The following CWF19L2 variants were observed in gnomAD, a reference collection of about 807,000 sequenced individuals.
CWF19L2 encodes CWF19-like protein 2.
CWF19L2 carries 98 observed loss-of-function variants against 111.7 expected under a neutral mutation model. The ratio of observed to expected loss-of-function variants is 0.88; its 90% CI spans 0.75 to 1.04. CWF19L2 has a LOEUF of 1.04. Among genes scored for constraint, CWF19L2 ranks in the 50% least tolerant of loss-of-function variants. The pLI is 0.00. For synonymous variants in CWF19L2, 351 were observed against 342.9 expected, an observed-to-expected ratio of 1.02 and a Z score of -0.26; for missense variants, 1,101 against 1,051.4, an observed-to-expected ratio of 1.05 and a Z score of -0.65.
intron 8 of CWF19L2, among the ~76,000 whole-genome samples, chr11:107,424,099 CA>C (rs537374401): frequency 5.3e-5 from 8 of 151,514 alleles, no homozygotes; most frequent in Admixed American, 2.6e-4. Flanking sequence ...AATCATATGT[CA>C]AAAAAATACT....
At chr11:107,403,660 T>C (rs1291290547) in intron 10 of CWF19L2, 1 of 776,154 alleles carries the variant, frequency 1.3e-6, no homozygotes, top group African/African-American at 1.7e-5. Flanking sequence ...CTTTGTTTGG[T>C]GCTTGTTCTT....
At position 107,334,974 on chromosome 11, in the gene CWF19L2, C is replaced by T. The variant is rs1859901498; in HGVS notation, c.2359-13G>A. ...CCATTATGGCTTTCTAAGAAATATC[C>T]ATTTGTTAAGTGAAAAAAGAACATG... is the stretch of plus-strand genomic sequence containing the variant. On this transcript the variant is annotated splice_polypyrimidine_tract_variant and intron_variant, in intron 15 of 17. Coordinates refer to ENST00000282251, the MANE Select transcript of CWF19L2 (RefSeq NM_152434.3). 1.3e-6 allele frequency: 2 copies of T among 1,543,528 alleles called. No homozygotes were observed. Among genetic ancestry groups the T allele is most frequent in the Admixed American group, 1.7e-5 (1 of 59,010 alleles).
chr11:107,402,873 G>GTGTGTATATA (rs1247886311), intron 10 of CWF19L2, among the ~76,000 whole-genome samples: 57 of 94,440 alleles, frequency 6.0e-4, no homozygotes, highest in South Asian at 1.2e-3. Context: ...ACTGTGGTGT[G>GTGTGTATATA]TATATATATA....
chr11:107,411,877 A>G (rs1250270096), intron 10 of CWF19L2, among the ~76,000 whole-genome samples: 1 of 152,156 alleles, frequency 6.6e-6, no homozygotes, highest in Admixed American at 6.5e-5. Flanking sequence ...AGAGGGACAA[A>G]GGCAGAGACG....
chr11:107,357,889 A>G (rs1860262020), intron 12 of CWF19L2, among the ~76,000 whole-genome samples: 2 of 152,248 alleles, frequency 1.3e-5, no homozygotes, highest in Admixed American at 1.3e-4. Context: ...TAAGATGGAA[A>G]AAGTGAACAA....
chr11:107,418,236 C>G lies in CWF19L2; in HGVS notation c.1485G>C (p.Lys495Asn). 2 of 1,613,372 alleles carry G rather than the reference C, an allele frequency of 1.2e-6. No homozygotes were observed. Among genetic ancestry groups the G allele is most frequent in the Non-Finnish European group, 1.7e-6 (2 of 1,179,348 alleles). Residue 495 changes from lysine (K) to asparagine (N), a missense_variant, in exon 9 of 18, where the codon AAG becomes AAC. Physicochemically the swap from Lys to Asn is moderately conservative, Grantham distance 94. Transcript: ENST00000282251. ...CTGCTTTGATAATCTTGGCTCCCAA[C>G]TTGTTCTTCTCATCAACACTCAGGA... ...IHILSVDEKN[K>N]LGAKIIKAEM...
At chr11:107,419,872 A>G (rs1219050419) in intron 8 of CWF19L2, among the ~76,000 whole-genome samples, 2 of 152,174 alleles carry the variant, frequency 1.3e-5, no homozygotes, top group Non-Finnish European at 2.9e-5. Context: ...TATAACAAGT[A>G]TAAGTAAAAT....
chr11:107,393,456 C>A (rs1391280074), intron 10 of CWF19L2, among the ~76,000 whole-genome samples: 3 of 152,006 alleles, frequency 2.0e-5, no homozygotes, highest in African/African-American at 7.2e-5. Context: ...TGGCACAGTA[C>A]AGAATAAGAG....
chr11:107,381,759 T>C (rs1199174273), intron 12 of CWF19L2, among the ~76,000 whole-genome samples: 7 of 152,166 alleles, frequency 4.6e-5, no homozygotes, highest in African/African-American at 1.4e-4. Context: ...GGATTTCAAG[T>C]GTATATTATT....
At chr11:107,362,264 C>G (rs928520424) in intron 12 of CWF19L2, among the ~76,000 whole-genome samples, 3 of 152,120 alleles carry the variant, frequency 2.0e-5, no homozygotes, top group African/African-American at 7.2e-5. Flanking sequence ...CCCGCCATTG[C>G]CCAGGCTTGC....
chr11:107,343,566 T>A (rs865939244), intron 14 of CWF19L2, among the ~76,000 whole-genome samples: 2 of 152,172 alleles, frequency 1.3e-5, no homozygotes, highest in Non-Finnish European at 2.9e-5. Context: ...TTAACTGATA[T>A]ACTGTTTATT....
At position 107,432,446 on chromosome 11, in the gene CWF19L2, G is replaced by A. The variant is rs576454406; in HGVS notation, c.780+1188C>T. ...AAAAATACAAAAATTAGCCAGGCGT[G>A]GTGGTGTGCTCCTGCAGTCCCAGCT... is the stretch of plus-strand genomic sequence containing the variant. On this transcript the variant is annotated intron_variant, in intron 7 of 17. Coordinates refer to ENST00000282251, the MANE Select transcript of CWF19L2 (RefSeq NM_152434.3). Among the ~76,000 whole-genome samples the A allele has an allele frequency of 1.2e-4, 18 of 152,250 alleles. No individual in the cohort carries two copies. The South Asian group carries it at 3.5e-3, about 30-fold the overall frequency.
intron 6 of CWF19L2, among the ~76,000 whole-genome samples, chr11:107,435,684 T>C (rs1278803350): frequency 6.6e-6 from 1 of 152,140 alleles, no homozygotes; most frequent in Non-Finnish European, 1.5e-5. Context: ...CCTATTAATC[T>C]TATAATTAGA....
chr11:107,430,742 C>A (rs1045971597), intron 7 of CWF19L2, among the ~76,000 whole-genome samples: 1 of 152,004 alleles, frequency 6.6e-6, no homozygotes, highest in Middle Eastern at 3.4e-3. Flanking sequence ...AGATGGAGGT[C>A]AAAGAGTCAG....
intron 12 of CWF19L2, among the ~76,000 whole-genome samples, chr11:107,389,667 A>G (rs1860819771): frequency 6.6e-6 from 1 of 152,166 alleles, no homozygotes; most frequent in African/African-American, 2.4e-5. Flanking sequence ...AATCCATAAT[A>G]TATTAGTGCA....
chr11:107,412,220 A>G (rs893522628), intron 10 of CWF19L2, among the ~76,000 whole-genome samples: 1 of 152,224 alleles, frequency 6.6e-6, no homozygotes, highest in African/African-American at 2.4e-5. Flanking sequence ...ACACATATAT[A>G]TAATTTGAAA....
chr11:107,415,297 G>A (rs1861209873), intron 10 of CWF19L2, among the ~76,000 whole-genome samples: 1 of 152,084 alleles, frequency 6.6e-6, no homozygotes, highest in South Asian at 2.1e-4. Context: ...CTTACATAAA[G>A]TCCTTACACT....
intron 12 of CWF19L2, among the ~76,000 whole-genome samples, chr11:107,365,957 C>G (rs1169991957): frequency 1.4e-5 from 2 of 141,438 alleles, no homozygotes; most frequent in Admixed American, 7.2e-5. Context: ...TCCTTAAGCT[C>G]ATAAGCAACT....
At chr11:107,445,735 A>C (rs1225657054) in intron 3 of CWF19L2, among the ~76,000 whole-genome samples, 2 of 152,018 alleles carry the variant, frequency 1.3e-5, no homozygotes. Flanking sequence ...CCTCACCCCA[A>C]ATACATTTAG....
Sources: gnomAD v4.1 joint callset for allele counts (sites outside exome capture counted in the v4.1 genomes callset) on GRCh38, gnomAD v4.1.1 for gene constraint, MANE v1.5 for transcripts, NCBI Gene and HGNC (gene_info 2026-07-23, HGNC 2026-07-21) for gene names.